Variants in EPHA3 observed in about 807,000 individuals in gnomAD.
EPHA3 encodes the protein EPH receptor A3, also known as ephrin type-A receptor 3.
A neutral mutation model predicts 107.1 loss-of-function variants in EPHA3; 42 were observed. That is an observed-to-expected ratio of 0.39 (90% CI 0.31 to 0.51). The LOEUF is 0.51. EPHA3 is among the 20% of genes least tolerant of loss of function. The pLI is 0.78. For missense variants in EPHA3, 1,183 were observed against 1,211.2 expected (o/e 0.98, Z 0.35); for synonymous variants, 461 against 424.8 (o/e 1.09, Z -1.05).
intron 2 of EPHA3, among the ~76,000 whole-genome samples, chr3:89,194,086 G>A (rs113074553): frequency 1.3e-5 from 2 of 151,872 alleles, no homozygotes. Flanking sequence ...ATCATTTTTA[G>A]GTCAGGATTA....
chr3:89,363,659 A>T (rs1357789200), intron 5 of EPHA3, among the ~76,000 whole-genome samples: 1 of 150,406 alleles, frequency 6.6e-6, no homozygotes, highest in East Asian at 1.9e-4. Flanking sequence ...AAATTTAACC[A>T]TCATAGTCAG....
chr3:89,460,906 A>T (rs1341211296), intron 15 of EPHA3, among the ~76,000 whole-genome samples: 9 of 125,146 alleles, frequency 7.2e-5, no homozygotes, highest in African/African-American at 2.5e-4. Flanking sequence ...TACATGTGCC[A>T]TGCTGGTGCG....
chr3:89,130,467 T>TA (rs902368759), intron 2 of EPHA3, among the ~76,000 whole-genome samples: 2 of 152,150 alleles, frequency 1.3e-5, no homozygotes, highest in African/African-American at 2.4e-5. Context: ...ATCTGAGCTA[T>TA]AAAAAATTAA....
In EPHA3 at chr3:89,479,414, G is replaced by T. The variant is rs1464031640; in HGVS notation, c.2864G>T (p.Gly955Val). 1.9e-6 allele frequency: 3 copies of T among 1,613,854 alleles called. No individual in the cohort carries two copies. The highest frequency in any genetic ancestry group is 2.5e-6 in the Non-Finnish European group (3 of 1,179,880). The stretch of plus-strand genomic sequence containing the variant: ...TTTTACAGTGACATGAAAAAGGTTG[G>T]TGTCACCGTGGTTGGGCCACAGAAG... ...KISTDDMKKVGVTVVGPQKKI... is the reference protein window; with the variant it reads ...KISTDDMKKVVVTVVGPQKKI... The change falls in exon 17 of 17, where the codon GGT becomes GTT. Residue 955 changes from glycine (G) to valine (V), a missense_variant. Transcript: ENST00000336596.
chr3:89,281,414 G>A (rs2107315081), intron 3 of EPHA3, among the ~76,000 whole-genome samples: 1 of 152,210 alleles, frequency 6.6e-6, no homozygotes, highest in East Asian at 1.9e-4. Context: ...GCAGATTTCT[G>A]AGCCAAGATA....
chr3:89,436,292 A>T (rs1279239377), intron 13 of EPHA3, among the ~76,000 whole-genome samples: 1 of 152,214 alleles, frequency 6.6e-6, no homozygotes, highest in Non-Finnish European at 1.5e-5. Context: ...TTATTTCAGA[A>T]AAACAAGTTC....
At chr3:89,390,880 C>T (rs1323136634) in intron 5 of EPHA3, among the ~76,000 whole-genome samples, 1 of 151,410 alleles carries the variant, frequency 6.6e-6, no homozygotes, top group African/African-American at 2.4e-5. Context: ...CTCCGCCTCC[C>T]GGGTTCATCT....
chr3:89,314,047 C>A (rs1324519636), intron 3 of EPHA3, among the ~76,000 whole-genome samples: 1 of 151,792 alleles, frequency 6.6e-6, no homozygotes, highest in African/African-American at 2.4e-5. Flanking sequence ...TAATACTTTT[C>A]ATTTGACTAG....
intron 5 of EPHA3, among the ~76,000 whole-genome samples, chr3:89,390,285 G>T (rs1381538946): frequency 6.6e-6 from 1 of 152,056 alleles, no homozygotes; most frequent in Admixed American, 6.6e-5. Context: ...CACCATGCCT[G>T]GCCAATTATT....
Position 89,210,465 on chromosome 3 carries a change from C to T in EPHA3, c.759C>T (p.Pro253=), listed in dbSNP as rs1173268492. ...GTACAGAAGGCGAATGGCTTGTACC[C>T]ATTGGCAAGTGTTCCTGCAATGCTG... is the stretch of plus-strand genomic sequence containing the variant. The part of the protein sequence containing the change: ...YCSTEGEWLV[P]IGKCSCNAGY... Residue 253 remains proline (P), a synonymous_variant, in exon 3 of 17, where the codon CCC becomes CCT. Transcript: ENST00000336596. 2 of 1,591,602 alleles carry T rather than the reference C, an allele frequency of 1.3e-6. No homozygotes were observed. The highest frequency in any genetic ancestry group is 1.2e-5 in the South Asian group (1 of 86,630).
chr3:89,140,697 G>A (rs1704412868), intron 2 of EPHA3, among the ~76,000 whole-genome samples: 1 of 151,658 alleles, frequency 6.6e-6, no homozygotes, highest in African/African-American at 2.4e-5. Flanking sequence ...TTTAGGGGAA[G>A]GTTAAGTGTA....
At chr3:89,357,403 A>G (rs1707989598) in intron 5 of EPHA3, among the ~76,000 whole-genome samples, 1 of 151,026 alleles carries the variant, frequency 6.6e-6, no homozygotes, top group African/African-American at 2.4e-5. Flanking sequence ...CAAGATGAGA[A>G]TGTCAGATGA....
chr3:89,454,058 G>T (rs1221978994), intron 15 of EPHA3, among the ~76,000 whole-genome samples: 1 of 151,918 alleles, frequency 6.6e-6, no homozygotes, highest in Non-Finnish European at 1.5e-5. Context: ...ATCACCAGGG[G>T]AACCTATTAC....
At chr3:89,121,765 A>T (rs929984660) in intron 1 of EPHA3, among the ~76,000 whole-genome samples, 9 of 152,104 alleles carry the variant, frequency 5.9e-5, no homozygotes, top group African/African-American at 1.9e-4. Flanking sequence ...CAAAAAAAAA[A>T]AAAAAATTAT....
chr3:89,112,084 G>T (rs1707122616), intron 1 of EPHA3, among the ~76,000 whole-genome samples: 1 of 151,904 alleles, frequency 6.6e-6, no homozygotes, highest in Admixed American at 6.6e-5. Flanking sequence ...TTATAAAAGG[G>T]GAACTACATG....
chr3:89,388,268 A>G (rs1708661939), intron 5 of EPHA3, among the ~76,000 whole-genome samples: 1 of 152,188 alleles, frequency 6.6e-6, no homozygotes, highest in South Asian at 2.1e-4. Context: ...ATTCCATGGT[A>G]GATTTATGCA....
intron 13 of EPHA3, among the ~76,000 whole-genome samples, chr3:89,432,593 A>G (rs1559694519): frequency 6.6e-6 from 1 of 152,178 alleles, no homozygotes; most frequent in Non-Finnish European, 1.5e-5. Flanking sequence ...TTCTTTAAAG[A>G]AAATTATTTC....
At chr3:89,363,781 G>T (rs539953015) in intron 5 of EPHA3, among the ~76,000 whole-genome samples, 7 of 150,790 alleles carry the variant, frequency 4.6e-5, no homozygotes, top group African/African-American at 1.5e-4. Context: ...TTGATATAAA[G>T]AAAATACTAA....
intron 3 of EPHA3, among the ~76,000 whole-genome samples, chr3:89,267,496 G>A (rs1011728807): frequency 1.3e-5 from 2 of 152,084 alleles, no homozygotes; most frequent in African/African-American, 4.8e-5. Flanking sequence ...TCTACTGACT[G>A]ACACAAGTCA....
Sources: allele counts gnomAD v4.1 joint callset (sites outside exome capture counted in the v4.1 genomes callset), GRCh38; gene constraint gnomAD v4.1.1; transcripts MANE v1.5; gene names NCBI Gene and HGNC (gene_info 2026-07-23, HGNC 2026-07-21).